The following ISG20 variants were observed in gnomAD, a reference collection of about 807,000 sequenced individuals.
The protein encoded by ISG20 is interferon stimulated exonuclease gene 20, also known as interferon-stimulated gene 20 kDa protein.
ISG20 carries 8 observed loss-of-function variants against 11.1 expected under a neutral mutation model. That is an observed-to-expected ratio of 0.72 (90% CI 0.42 to 1.30). ISG20 has a LOEUF of 1.30. Ranked by LOEUF, ISG20 falls within the 50% of genes most tolerant of loss-of-function variation. The probability of loss-of-function intolerance (pLI) is 0.01; values close to 1 mark genes in which losing one functional copy is unlikely to be tolerated. For missense variants in ISG20, 243 were observed against 250.2 expected, an observed-to-expected ratio of 0.97 and a Z score of 0.19; for synonymous variants, 110 against 101.7, an observed-to-expected ratio of 1.08 and a Z score of -0.49.
rs188651462 is a variant in ISG20 at position 88,643,764 on chromosome 15, T to C, written c.228+4170T>C. On this transcript the variant is annotated intron_variant, in intron 2 of 3. Coordinates refer to ENST00000306072, the MANE Select transcript of ISG20 (RefSeq NM_002201.6). This position sits in a 1 kb window ranked among gnomAD's most constrained non-coding sequence, Gnocchi z 4.4. ...ATATTTCTATTGGACAACACTGTTC[T>C]AGAAGTACAGATTGAGTAGCCCTTA... 6.6e-6 allele frequency among the ~76,000 whole-genome samples: 1 copy of C among 152,320 alleles called. No individual in the cohort carries two copies. The highest frequency in any genetic ancestry group is 1.9e-4 in the East Asian group (1 of 5,190).
intron 2 of ISG20, among the ~76,000 whole-genome samples, chr15:88,641,862 C>T: frequency 6.6e-6 from 1 of 151,622 alleles, no homozygotes. Flanking sequence ...AAGCGATCCG[C>T]CTGCCTTGGC....
Position 88,643,614 on chromosome 15 carries a change from G to GA in ISG20, c.228+4022dup, listed in dbSNP as rs1431211921. ...AGCTACTCAGGAGGCTGACGCAGGA[G>GA]AATCGCTTAAACCCAGGAGGCGGAA... On this transcript the variant is annotated intron_variant, in intron 2 of 3. Coordinates refer to ENST00000306072, the MANE Select transcript of ISG20 (RefSeq NM_002201.6). The surrounding 1 kb of genome is among the most constrained non-coding windows in gnomAD (Gnocchi z 4.4). 1.3e-5 allele frequency among the ~76,000 whole-genome samples: 2 copies of GA among 152,178 alleles called. No homozygotes were observed. Among genetic ancestry groups the GA allele is most frequent in the African/African-American group, 4.8e-5 (2 of 41,444 alleles).
At chr15:88,640,240 C>T (rs932118277) in intron 2 of ISG20, among the ~76,000 whole-genome samples, 3 of 152,184 alleles carry the variant, frequency 2.0e-5, no homozygotes, top group African/African-American at 7.2e-5. Flanking sequence ...GAAGGGCAGG[C>T]GAGCTCGTCA....
intron 3 of ISG20, among the ~76,000 whole-genome samples, chr15:88,654,258 C>T (rs1167918183): frequency 6.6e-6 from 1 of 152,152 alleles, no homozygotes; most frequent in Non-Finnish European, 1.5e-5. Context: ...GTGACAGGGG[C>T]AGGTATGCAG....
Position 88,655,274 on chromosome 15 carries a change from A to C in ISG20, c.430-141A>C, listed in dbSNP as rs907139246. 2.3e-5 allele frequency: 17 copies of C among 724,002 alleles called. No individual in the cohort carries two copies. In the African/African-American group the frequency reaches 2.9e-4, roughly 12 times the overall value. The allele number at this position is 724,002 out of a possible 1,614,324, so 44.8% of individuals were successfully genotyped here. ...CACCTGCTGAGTCTCCTAAGTCCAG[A>C]GTGTCAGAGACCTCAAGAGACTCTC... is the stretch of plus-strand genomic sequence containing the variant. On this transcript the variant is annotated intron_variant, in intron 3 of 3. Transcript: ENST00000306072.
At chr15:88,638,114 C>G (rs1354118188), upstream of ISG20, among the ~76,000 whole-genome samples, 1 of 152,208 alleles carries the variant, frequency 6.6e-6, no homozygotes, top group East Asian at 1.9e-4. Context: ...CACAGATCTT[C>G]ATGACACTGG....
rs527280728 is a variant in ISG20, at chr15:88,639,280, T to G, written c.-24-63T>G. The G allele has an allele frequency of 1.6e-4, 172 of 1,050,232 alleles. 3 individuals are homozygous for G. The South Asian group carries it at 1.8e-3, about 11-fold the overall frequency. 65.1% of individuals were successfully genotyped at this position (1,050,232 alleles called of 1,614,324 possible). A position where few individuals can be genotyped will look rare whatever the true frequency, so the allele number is the denominator to read the frequency against. The stretch of plus-strand genomic sequence containing the variant: ...GAGGGTAAGGCCAGCTGGGGTTGGC[T>G]GAGGACACCTGGAGGCTTGGTTTGC... On this transcript the variant is annotated intron_variant, in intron 1 of 3. Coordinates refer to ENST00000306072, the MANE Select transcript of ISG20 (RefSeq NM_002201.6). This position sits in a 1 kb window ranked among gnomAD's most constrained non-coding sequence, Gnocchi z 4.2.
chr15:88,641,383 C>G (rs552644708), intron 2 of ISG20, among the ~76,000 whole-genome samples: 2 of 152,138 alleles, frequency 1.3e-5, no homozygotes, highest in Non-Finnish European at 2.9e-5. Flanking sequence ...AAGCACCACA[C>G]ACTGGTGGCT....
intron 2 of ISG20, among the ~76,000 whole-genome samples, chr15:88,640,945 G>GAA (rs66510627): frequency 0.013 from 1,860 of 145,998 alleles, 14 homozygotes; most frequent in Non-Finnish European, 0.017. Flanking sequence ...ACAGAGCCAG[G>GAA]AAAAAAAAAA....
At chr15:88,636,937 G>C (rs923068700), upstream of ISG20, among the ~76,000 whole-genome samples, 2 of 152,198 alleles carry the variant, frequency 1.3e-5, no homozygotes, top group Non-Finnish European at 2.9e-5. Context: ...CAAGAGTAAG[G>C]GGACAGCAAA....
intron 2 of ISG20, among the ~76,000 whole-genome samples, chr15:88,642,824 C>T (rs2058105363): frequency 6.6e-6 from 1 of 151,066 alleles, no homozygotes; most frequent in African/African-American, 2.4e-5. Flanking sequence ...ACCATGTTGC[C>T]AGGCTGGTCT....
At chr15:88,645,657 A>G (rs2058159916) in intron 2 of ISG20, among the ~76,000 whole-genome samples, 1 of 151,878 alleles carries the variant, frequency 6.6e-6, no homozygotes, top group Non-Finnish European at 1.5e-5. Context: ...ATTGCCTACC[A>G]TGCATTTCAG....
At chr15:88,637,137 C>T (rs1027183637), upstream of ISG20, among the ~76,000 whole-genome samples, 1 of 152,122 alleles carries the variant, frequency 6.6e-6, no homozygotes, top group African/African-American at 2.4e-5. Context: ...CAGACCTAGT[C>T]CTTGGGAGAT....
intron 3 of ISG20, among the ~76,000 whole-genome samples, chr15:88,653,665 A>G (rs933213703): frequency 3.3e-5 from 5 of 151,940 alleles, no homozygotes; most frequent in African/African-American, 9.7e-5. Context: ...TCAGTACCCC[A>G]CCAGGCAGCT....
At chr15:88,642,173 C>T (rs2058093029) in intron 2 of ISG20, among the ~76,000 whole-genome samples, 1 of 152,044 alleles carries the variant, frequency 6.6e-6, no homozygotes, top group African/African-American at 2.4e-5. Context: ...AGGTGATCTG[C>T]CCTCCTTGGC....
Position 88,656,450 on chromosome 15 carries a change from G to A in ISG20, c.*919G>A, listed in dbSNP as rs1285782422. ...TATTTTAATAATAATTAATAATTTAGTGCTTCCACTAAATAAAAATCATTG... is the reference window on the plus strand; with the variant it reads ...TATTTTAATAATAATTAATAATTTAATGCTTCCACTAAATAAAAATCATTG... On this transcript the variant is annotated 3_prime_UTR_variant, in exon 4 of 4. Transcript: ENST00000306072. The A allele has an allele frequency of 6.6e-6, 1 of 151,144 alleles. No homozygotes were observed. Among genetic ancestry groups the A allele is most frequent in the Non-Finnish European group, 1.5e-5 (1 of 67,992 alleles). 9.4% of individuals were successfully genotyped at this position (151,144 alleles called of 1,614,324 possible). A position where few individuals can be genotyped will look rare whatever the true frequency, so the allele number is the denominator to read the frequency against.
intron 3 of ISG20, among the ~76,000 whole-genome samples, chr15:88,653,833 C>T (rs1056603928): frequency 6.6e-6 from 1 of 152,064 alleles, no homozygotes; most frequent in Non-Finnish European, 1.5e-5. Context: ...TACTGCCCCT[C>T]GAGGGAGTGA....
Position 88,655,652 on chromosome 15 carries a change from C to T in ISG20, c.*121C>T, listed in dbSNP as rs1000555561. ...TGGCTCTATATTTTCTCTACGCCAT[C>T]ACTGGGTCCTCTTCTTATTCTTCTC... On this transcript the variant is annotated 3_prime_UTR_variant, in exon 4 of 4. Transcript: ENST00000306072. 1.6e-6 allele frequency: 1 copy of T among 638,654 alleles called. No individual in the cohort carries two copies. Among genetic ancestry groups the T allele is most frequent in the Non-Finnish European group, 2.7e-6 (1 of 371,674 alleles). 39.6% of individuals were successfully genotyped at this position (638,654 alleles called of 1,614,324 possible). A position where few individuals can be genotyped will look rare whatever the true frequency, so the allele number is the denominator to read the frequency against.
intron 2 of ISG20, among the ~76,000 whole-genome samples, chr15:88,641,670 C>T (rs1367009347): frequency 2.0e-5 from 3 of 152,096 alleles, no homozygotes; most frequent in African/African-American, 4.8e-5. Flanking sequence ...CTTGCTCTGT[C>T]GCCCAGGCTG....
Sources: gnomAD v4.1 joint callset for allele counts (sites outside exome capture counted in the v4.1 genomes callset) on GRCh38, gnomAD v4.1.1 for gene constraint, Gnocchi (gnomAD v3.1) non-coding constraint, MANE v1.5 for transcripts, NCBI Gene and HGNC (gene_info 2026-07-23, HGNC 2026-07-21) for gene names.